RIN2: variants seen among roughly 807,000 people sequenced by gnomAD.
RIN2 encodes the protein RAB5 interacting protein 2.
In RIN2, 36 loss-of-function variants were observed where a neutral mutation model predicts 78.0. That is an observed-to-expected ratio of 0.46 (90% CI 0.35 to 0.61). The LOEUF is 0.61. Among genes scored for constraint, RIN2 ranks in the 20% least tolerant of loss-of-function variants. The pLI is 0.00. For synonymous variants in RIN2, 466 were observed against 466.8 expected, an observed-to-expected ratio of 1.00 and a Z score of 0.02; for missense variants, 1,087 against 1,159.7, an observed-to-expected ratio of 0.94 and a Z score of 0.91.
Position 19,814,236 on chromosome 20 carries a change from G to T in RIN2, c.-37+14489G>T, listed in dbSNP as rs1371432315. On this transcript the variant is annotated intron_variant, in intron 2 of 12. Transcript: ENST00000255006. ...TTGGCCCAAGGAGACTATCAGGCTT[G>T]GAAAAATCAGACAAAAATAAATCAT... Among the ~76,000 whole-genome samples the T allele has an allele frequency of 2.0e-5, 3 of 152,150 alleles. No homozygotes were observed. The East Asian group carries it at 5.8e-4, about 29-fold the overall frequency.
chr20:19,938,094 C>G (rs111726890), intron 4 of RIN2, among the ~76,000 whole-genome samples: 5 of 152,326 alleles, frequency 3.3e-5, no homozygotes, highest in African/African-American at 1.2e-4. Flanking sequence ...CCCTGGGATC[C>G]TCTTAGCTGT....
chr20:19,824,404 A>G (rs2036022418), intron 2 of RIN2, among the ~76,000 whole-genome samples: 1 of 152,160 alleles, frequency 6.6e-6, no homozygotes, highest in South Asian at 2.1e-4. Flanking sequence ...GGTGTTAGGT[A>G]TATTTGTTTT....
intron 6 of RIN2, among the ~76,000 whole-genome samples, chr20:19,962,459 A>AAC (rs1273228722): frequency 6.6e-6 from 1 of 152,164 alleles, no homozygotes; most frequent in African/African-American, 2.4e-5. Flanking sequence ...ATGTGTGTGG[A>AAC]AGCTTCCTCG....
intron 3 of RIN2, among the ~76,000 whole-genome samples, chr20:19,900,945 CAAAAAAAA>C (rs869239642): frequency 3.4e-4 from 10 of 29,572 alleles, no homozygotes; most frequent in Admixed American, 1.4e-3. Context: ...AGCTCTGTCT[CAAAAAAAA>C]AAAAAAAAAA....
intron 2 of RIN2, among the ~76,000 whole-genome samples, chr20:19,810,651 T>A (rs7274019): frequency 1.3e-5 from 2 of 151,800 alleles, no homozygotes; most frequent in African/African-American, 4.9e-5. Flanking sequence ...ATTGCTCTTA[T>A]TGAAGTTTGA....
chr20:19,866,421 G>C (rs2037508384), intron 2 of RIN2, among the ~76,000 whole-genome samples: 2 of 152,088 alleles, frequency 1.3e-5, no homozygotes, highest in Admixed American at 1.3e-4. Context: ...CCTCTGAAAA[G>C]AAAAAGGATA....
intron 8 of RIN2, among the ~76,000 whole-genome samples, chr20:19,971,735 ATTTTT>A (rs61019165): frequency 9.8e-5 from 9 of 91,536 alleles, no homozygotes; most frequent in African/African-American, 4.0e-4. Flanking sequence ...TGAAACTGCA[ATTTTT>A]TTTTTTTTTT....
chr20:19,776,669 C>G (rs2034321614), intron 1 of RIN2, among the ~76,000 whole-genome samples: 1 of 151,328 alleles, frequency 6.6e-6, no homozygotes, highest in Non-Finnish European at 1.5e-5. Flanking sequence ...GAGGTGGAGG[C>G]TGCAGTGAGC....
chr20:19,761,581 C>T (rs983099771), intron 1 of RIN2, among the ~76,000 whole-genome samples: 1 of 152,160 alleles, frequency 6.6e-6, no homozygotes, highest in African/African-American at 2.4e-5. Flanking sequence ...TTGTTTAGTT[C>T]TCCCAAAATC....
intron 12 of RIN2, among the ~76,000 whole-genome samples, chr20:20,000,173 AAAG>A (rs1036384302): frequency 2.6e-5 from 4 of 152,190 alleles, no homozygotes; most frequent in African/African-American, 9.7e-5. Flanking sequence ...CTTAAAATGA[AAAG>A]AAGAAAACAA....
intron 3 of RIN2, among the ~76,000 whole-genome samples, chr20:19,916,577 G>A (rs945963257): frequency 1.3e-5 from 2 of 152,340 alleles, no homozygotes; most frequent in African/African-American, 2.4e-5. Context: ...CTCCAGCCTG[G>A]GCGACAGAGT....
chr20:19,932,575 C>T lies in RIN2; in HGVS notation c.58-2524C>T, dbSNP rs528993715. On this transcript the variant is annotated intron_variant, in intron 3 of 12. Coordinates refer to ENST00000255006, the MANE Select transcript of RIN2 (RefSeq NM_018993.4). The stretch of plus-strand genomic sequence containing the variant: ...CTCCCCCTCTGGTCCTTACTGCAGT[C>T]ACAGGCACCGAGGGGATGGATCAAG... Among the ~76,000 whole-genome samples the T allele has an allele frequency of 4.6e-5, 7 of 152,294 alleles. No homozygotes were observed. The East Asian group carries it at 1.4e-3, about 29-fold the overall frequency.
intron 2 of RIN2, among the ~76,000 whole-genome samples, chr20:19,872,526 C>T (rs1035093943): frequency 2.0e-5 from 3 of 152,170 alleles, no homozygotes; most frequent in African/African-American, 7.2e-5. Flanking sequence ...TCTGCCTGGC[C>T]GTCTGAGGGT....
In RIN2 at chr20:19,823,972, C is replaced by T. The variant is rs919055454; in HGVS notation, c.-37+24225C>T. On this transcript the variant is annotated intron_variant, in intron 2 of 12. Transcript: ENST00000255006. ...GGAGGCAGCTGGTGTCGGATGAACC[C>T]GGATTCAGGACGACCGAAGAAAGTT... 10 of 1,369,906 alleles carry T rather than the reference C, an allele frequency of 7.3e-6. No individual in the cohort carries two copies. In the Admixed American group the frequency reaches 1.3e-4, roughly 18 times the overall value. 84.9% of individuals were successfully genotyped at this position (1,369,906 alleles called of 1,614,324 possible). A position where few individuals can be genotyped will look rare whatever the true frequency, so the allele number is the denominator to read the frequency against.
chr20:19,854,702 A>G (rs1568819036), intron 2 of RIN2, among the ~76,000 whole-genome samples: 1 of 152,176 alleles, frequency 6.6e-6, no homozygotes. Flanking sequence ...GGTGTATAAG[A>G]ATGCTTGTGA....
At chr20:19,803,514 G>C (rs768641303) in intron 2 of RIN2, among the ~76,000 whole-genome samples, 2 of 152,104 alleles carry the variant, frequency 1.3e-5, no homozygotes, top group Non-Finnish European at 2.9e-5. Flanking sequence ...TTTAATAAAC[G>C]GTACTAGGAA....
In RIN2 at chr20:19,964,143, C is replaced by T. The variant is rs532908577; in HGVS notation, c.464-809C>T. Reference sequence around the variant, plus strand: ...CCTCACAAAGTGCTGGGATTACGGGCGTGAGCCACCATGGCCGGCTCAGAA... The same window carrying T: ...CCTCACAAAGTGCTGGGATTACGGGTGTGAGCCACCATGGCCGGCTCAGAA... On this transcript the variant is annotated intron_variant, in intron 6 of 12. Transcript: ENST00000255006. Among the ~76,000 whole-genome samples the T allele has an allele frequency of 6.7e-4, 102 of 152,038 alleles. 1 individual carries two copies. The highest frequency in any genetic ancestry group is 3.4e-3 in the Middle Eastern group (1 of 294).
chr20:19,821,742 A>G (rs1600535928), intron 2 of RIN2, among the ~76,000 whole-genome samples: 1 of 152,034 alleles, frequency 6.6e-6, no homozygotes, highest in South Asian at 2.1e-4. Context: ...CTTTTTCTGC[A>G]ACACCCTTCT....
chr20:19,892,677 T>C (rs1243860030), intron 3 of RIN2, among the ~76,000 whole-genome samples: 1 of 152,224 alleles, frequency 6.6e-6, no homozygotes, highest in Admixed American at 6.5e-5. Context: ...GCACCCAGCC[T>C]CCTTCCTCTT....
Sources: gnomAD v4.1 joint callset for allele counts (sites outside exome capture counted in the v4.1 genomes callset) on GRCh38, gnomAD v4.1.1 for gene constraint, MANE v1.5 for transcripts, NCBI Gene and HGNC (gene_info 2026-07-23, HGNC 2026-07-21) for gene names.